CAMTA1: variants seen among roughly 807,000 people sequenced by gnomAD.
The protein encoded by CAMTA1 is calmodulin binding transcription activator 1, also known as calmodulin-binding transcription activator 1.
CAMTA1 carries 27 observed loss-of-function variants against 170.9 expected under a neutral mutation model. The ratio of observed to expected loss-of-function variants is 0.16; its 90% CI spans 0.12 to 0.22. The LOEUF is 0.22. Among genes scored for constraint, CAMTA1 ranks in the 10% least tolerant of loss-of-function variants. CAMTA1 has a pLI of 1.00. For synonymous variants in CAMTA1, 833 were observed against 891.5 expected (o/e 0.93, Z 1.17); for missense variants, 1,619 against 2,217.2 (o/e 0.73, Z 5.42).
chr1:7,312,529 T>A (rs1676889771), intron 5 of CAMTA1, among the ~76,000 whole-genome samples: 1 of 152,188 alleles, frequency 6.6e-6, no homozygotes, highest in African/African-American at 2.4e-5. Flanking sequence ...TTAATTTGCC[T>A]GCTCCTATGT....
intron 4 of CAMTA1, among the ~76,000 whole-genome samples, chr1:7,174,619 G>A (rs1245471269): frequency 2.0e-5 from 3 of 152,190 alleles, no homozygotes; most frequent in Non-Finnish European, 2.9e-5. Flanking sequence ...CTGAGGGGGC[G>A]CCACGAGAGC....
intron 5 of CAMTA1, among the ~76,000 whole-genome samples, chr1:7,332,251 T>C (rs2083079922): frequency 6.6e-6 from 1 of 150,512 alleles, no homozygotes; most frequent in African/African-American, 2.5e-5. Context: ...ATTTTATGAA[T>C]GACTTCGGGG....
At chr1:7,474,535 A>G (rs949877096) in intron 6 of CAMTA1, among the ~76,000 whole-genome samples, 7 of 152,210 alleles carry the variant, frequency 4.6e-5, no homozygotes, top group African/African-American at 1.7e-4. Context: ...CTGTAAGTGG[A>G]CATCCTGAAT....
intron 5 of CAMTA1, among the ~76,000 whole-genome samples, chr1:7,294,654 A>T (rs191104618): frequency 6.6e-6 from 1 of 152,316 alleles, no homozygotes; most frequent in African/African-American, 2.4e-5. Flanking sequence ...TGGTCCCTGG[A>T]GTAGTGGGTT....
At chr1:7,679,463 G>C (rs1041518000) in intron 11 of CAMTA1, among the ~76,000 whole-genome samples, 6 of 152,100 alleles carry the variant, frequency 3.9e-5, no homozygotes. Flanking sequence ...CATAGAAACC[G>C]GGGGGAAGGG....
At chr1:7,430,614 C>G (rs559791803) in intron 5 of CAMTA1, among the ~76,000 whole-genome samples, 149 of 152,192 alleles carry the variant, frequency 9.8e-4, no homozygotes, top group African/African-American at 3.6e-3. Flanking sequence ...ATGTTTCTAC[C>G]ATTTTGAGGC....
intron 6 of CAMTA1, among the ~76,000 whole-genome samples, chr1:7,526,401 C>A (rs1293096619): frequency 6.6e-6 from 1 of 152,160 alleles, no homozygotes; most frequent in Non-Finnish European, 1.5e-5. Context: ...CCCCACCCCA[C>A]AGTCTGCACG....
At chr1:6,894,276 T>G (rs1675181795) in intron 3 of CAMTA1, among the ~76,000 whole-genome samples, 1 of 152,340 alleles carries the variant, frequency 6.6e-6, no homozygotes, top group African/African-American at 2.4e-5. Context: ...GGAAGTTTGT[T>G]TTAAGGATGA....
At chr1:7,637,119 A>T (rs6661496) in intron 6 of CAMTA1, among the ~76,000 whole-genome samples, 12,635 of 152,164 alleles carry the variant, frequency 0.083, 1,416 homozygotes, top group African/African-American at 0.26. Flanking sequence ...TCATGCAGGA[A>T]CTCCACGGTT....
intron 5 of CAMTA1, among the ~76,000 whole-genome samples, chr1:7,360,968 A>G (rs34545900): frequency 0.021 from 3,237 of 152,310 alleles, 113 homozygotes; most frequent in African/African-American, 0.074. Context: ...GGTGGCTGGT[A>G]GAGCAGCCAT....
intron 4 of CAMTA1, among the ~76,000 whole-genome samples, chr1:7,177,068 C>G (rs1650991549): frequency 6.6e-6 from 1 of 151,944 alleles, no homozygotes; most frequent in African/African-American, 2.4e-5. Flanking sequence ...CTCCTACCCA[C>G]CAAGGCTCCT....
At chr1:7,366,992 G>A (rs1483715777) in intron 5 of CAMTA1, among the ~76,000 whole-genome samples, 2 of 152,074 alleles carry the variant, frequency 1.3e-5, no homozygotes, top group African/African-American at 4.8e-5. Context: ...TCACCCCAGG[G>A]CTCCTGCTGC....
At chr1:7,150,842 G>A (rs571488119) in intron 4 of CAMTA1, among the ~76,000 whole-genome samples, 1 of 152,302 alleles carries the variant, frequency 6.6e-6, no homozygotes, top group Admixed American at 6.5e-5. Flanking sequence ...TTTTCCCTCT[G>A]ATGTTGTCAC....
At position 7,609,633 on chromosome 1, in the gene CAMTA1, T is replaced by A. The variant is rs574276033; in HGVS notation, c.511-30767T>A. 4.0e-4 allele frequency among the ~76,000 whole-genome samples: 61 copies of A among 152,322 alleles called. No individual in the cohort carries two copies. Among genetic ancestry groups the A allele is most frequent in the African/African-American group, 1.5e-3 (61 of 41,578 alleles). On this transcript the variant is annotated intron_variant, in intron 6 of 22. Coordinates refer to ENST00000303635, the MANE Select transcript of CAMTA1 (RefSeq NM_015215.4). The surrounding 1 kb of genome is among the most constrained non-coding windows in gnomAD (Gnocchi z 4.4). ...AGCAGGGTCCTGGCTGTCACCCATG[T>A]CCTGGTGACCTTGCTGAGGACATTG...
intron 6 of CAMTA1, among the ~76,000 whole-genome samples, chr1:7,470,570 C>T (rs1326500406): frequency 6.6e-6 from 1 of 152,174 alleles, no homozygotes; most frequent in Non-Finnish European, 1.5e-5. Flanking sequence ...CAGCCTGGTC[C>T]TCTGAATGCA....
chr1:6,954,701 T>C (rs918687939), intron 3 of CAMTA1, among the ~76,000 whole-genome samples: 3 of 152,252 alleles, frequency 2.0e-5, no homozygotes, highest in Admixed American at 2.0e-4. Context: ...CCCTTAAGAC[T>C]AAATCCTCAA....
Position 7,031,955 on chromosome 1 carries a change from C to CTTAT in CAMTA1, c.235-59326_235-59323dup, listed in dbSNP as rs375747945. On this transcript the variant is annotated intron_variant, in intron 3 of 22. Transcript: ENST00000303635. ...CATCTGTTGTTTGTCCCCCTTTTCTCTTATTTATTTATTTATTTATTTATT... is the reference window on the plus strand; with the variant it reads ...CATCTGTTGTTTGTCCCCCTTTTCTCTTATTTATTTATTTATTTATTTATTTATT... 3.2e-3 allele frequency among the ~76,000 whole-genome samples: 484 copies of CTTAT among 151,958 alleles called. 1 individual carries two copies. The highest frequency in any genetic ancestry group is 7.8e-3 in the African/African-American group (322 of 41,454).
At chr1:7,536,780 G>T (rs114681672) in intron 6 of CAMTA1, among the ~76,000 whole-genome samples, 1 of 152,154 alleles carries the variant, frequency 6.6e-6, no homozygotes, top group African/African-American at 2.4e-5. Context: ...TGCTCCACCC[G>T]CGGAGTGCTG....
chr1:7,043,702 G>T (rs1044099004), intron 3 of CAMTA1, among the ~76,000 whole-genome samples: 1 of 152,160 alleles, frequency 6.6e-6, no homozygotes, highest in Admixed American at 6.5e-5. Flanking sequence ...GCTCCTGAAG[G>T]TTGGTTCCAG....
Sources: allele counts gnomAD v4.1 joint callset (sites outside exome capture counted in the v4.1 genomes callset), GRCh38; gene constraint gnomAD v4.1.1; non-coding constraint Gnocchi (gnomAD v3.1); transcripts MANE v1.5; gene names NCBI Gene and HGNC (gene_info 2026-07-23, HGNC 2026-07-21).